The following CLSTN2 variants were observed in gnomAD, a reference collection of about 807,000 sequenced individuals.
CLSTN2 encodes the protein calsyntenin-2.
A neutral mutation model predicts 101.2 loss-of-function variants in CLSTN2; 48 were observed. That is an observed-to-expected ratio of 0.47 (90% confidence interval 0.38 to 0.60). The LOEUF (loss-of-function observed/expected upper bound fraction) is 0.60, where lower values mean the gene tolerates loss of function less well. CLSTN2 is among the 20% of genes least tolerant of loss of function. The pLI is 0.00. For synonymous variants in CLSTN2, 481 were observed against 463.6 expected (o/e 1.04, Z -0.48); for missense variants, 1,160 against 1,238.2 (o/e 0.94, Z 0.95).
chr3:140,480,708 A>C (rs1193901489), intron 8 of CLSTN2, among the ~76,000 whole-genome samples: 1 of 152,148 alleles, frequency 6.6e-6, no homozygotes, highest in Non-Finnish European at 1.5e-5. Context: ...GATGATGAGC[A>C]TTTTTTCATC....
chr3:140,315,402 GC>G (rs2087218898), intron 2 of CLSTN2, among the ~76,000 whole-genome samples: 1 of 152,164 alleles, frequency 6.6e-6, no homozygotes, highest in African/African-American at 2.4e-5. Context: ...TGACTCCAGA[GC>G]AATCAACCAG....
At chr3:140,233,549 A>T (rs775138996) in intron 2 of CLSTN2, among the ~76,000 whole-genome samples, 2 of 152,242 alleles carry the variant, frequency 1.3e-5, no homozygotes, top group Admixed American at 6.5e-5. Flanking sequence ...AGCTGAATAC[A>T]TAAAAATTAA....
intron 2 of CLSTN2, among the ~76,000 whole-genome samples, chr3:140,306,835 C>G (rs989306576): frequency 6.9e-6 from 1 of 144,050 alleles, no homozygotes; most frequent in East Asian, 2.1e-4. Flanking sequence ...GTTCTGGGAT[C>G]CATTTTTGTC....
At chr3:140,260,981 A>G (rs1050059501) in intron 2 of CLSTN2, among the ~76,000 whole-genome samples, 2 of 152,184 alleles carry the variant, frequency 1.3e-5, no homozygotes, top group African/African-American at 2.4e-5. Flanking sequence ...CCTTTTCATC[A>G]TGTTAAGTAA....
At chr3:140,083,157 TAC>T (rs1457054329) in intron 1 of CLSTN2, among the ~76,000 whole-genome samples, 2 of 152,140 alleles carry the variant, frequency 1.3e-5, no homozygotes, top group Non-Finnish European at 2.9e-5. Flanking sequence ...TAGCATTTAT[TAC>T]GTTTTTTGCT....
intron 1 of CLSTN2, among the ~76,000 whole-genome samples, chr3:140,163,185 A>G (rs1432121641): frequency 6.6e-6 from 1 of 152,094 alleles, no homozygotes; most frequent in Non-Finnish European, 1.5e-5. Context: ...AAGATCTACA[A>G]TCAGTTGACT....
At chr3:140,465,801 G>T (rs1933684068) in intron 7 of CLSTN2, among the ~76,000 whole-genome samples, 2 of 152,124 alleles carry the variant, frequency 1.3e-5, no homozygotes, top group Non-Finnish European at 2.9e-5. Flanking sequence ...CAGGGCCCAT[G>T]CTCTTTCCAC....
chr3:140,063,208 G>T (rs1285304630), intron 1 of CLSTN2, among the ~76,000 whole-genome samples: 1 of 152,136 alleles, frequency 6.6e-6, no homozygotes, highest in African/African-American at 2.4e-5. Context: ...CATAATGAAG[G>T]ACATTCTATA....
At position 140,490,508 on chromosome 3, in the gene CLSTN2, C is replaced by A. The variant is rs147234322; in HGVS notation, c.1344+23777C>A. Reference sequence around the variant, plus strand: ...ATCCTTGCTGCTATTTGCCCTGGACCACTTCAAAATGTGACACATCGGGCT... The same window carrying A: ...ATCCTTGCTGCTATTTGCCCTGGACAACTTCAAAATGTGACACATCGGGCT... On this transcript the variant is annotated intron_variant, in intron 8 of 16. Coordinates refer to ENST00000458420, the MANE Select transcript of CLSTN2 (RefSeq NM_022131.3). Among the ~76,000 whole-genome samples, 244 of 150,114 alleles carry A rather than the reference C, an allele frequency of 1.6e-3. 1 individual carries two copies. The East Asian group carries it at 0.032, about 20-fold the overall frequency.
intron 1 of CLSTN2, among the ~76,000 whole-genome samples, chr3:139,949,463 AG>A (rs1935259320): frequency 6.6e-6 from 1 of 152,172 alleles, no homozygotes; most frequent in Non-Finnish European, 1.5e-5. Context: ...TCAACATCCC[AG>A]GAAGGGCCCT....
chr3:140,060,012 C>T (rs1202417729), intron 1 of CLSTN2, among the ~76,000 whole-genome samples: 1 of 152,122 alleles, frequency 6.6e-6, no homozygotes, highest in Non-Finnish European at 1.5e-5. Flanking sequence ...TGATGAATTG[C>T]TTAATCTCTC....
chr3:140,281,101 G>A (rs1317622612), intron 2 of CLSTN2, among the ~76,000 whole-genome samples: 1 of 152,226 alleles, frequency 6.6e-6, no homozygotes, highest in South Asian at 2.1e-4. Flanking sequence ...CTAAATGGGA[G>A]TGTGAGTCCA....
chr3:140,433,450 G>A (rs778613897), intron 5 of CLSTN2, among the ~76,000 whole-genome samples: 11 of 152,202 alleles, frequency 7.2e-5, no homozygotes, highest in Non-Finnish European at 1.5e-4. Context: ...TCTCCCCATG[G>A]ACCTGGGTCT....
At chr3:140,030,984 G>T (rs1416593134) in intron 1 of CLSTN2, among the ~76,000 whole-genome samples, 1 of 152,204 alleles carries the variant, frequency 6.6e-6, no homozygotes, top group Non-Finnish European at 1.5e-5. Flanking sequence ...CCCTTCTGTT[G>T]GGGAGGTGCG....
At chr3:140,259,916 A>G (rs1407582997) in intron 2 of CLSTN2, among the ~76,000 whole-genome samples, 3 of 151,978 alleles carry the variant, frequency 2.0e-5, no homozygotes, top group Admixed American at 2.0e-4. Context: ...CTTTGTTCTA[A>G]TAAAAATATC....
At chr3:140,030,278 T>C (rs1304268556) in intron 1 of CLSTN2, among the ~76,000 whole-genome samples, 1 of 152,126 alleles carries the variant, frequency 6.6e-6, no homozygotes, top group Non-Finnish European at 1.5e-5. Flanking sequence ...CTTATGAACA[T>C]GGATGTGAAG....
At chr3:140,469,401 T>C (rs994109098) in intron 8 of CLSTN2, among the ~76,000 whole-genome samples, 1 of 152,160 alleles carries the variant, frequency 6.6e-6, no homozygotes, top group African/African-American at 2.4e-5. Flanking sequence ...CAGTGGTATA[T>C]ACTGAGCAAC....
In CLSTN2 at chr3:140,532,435, A is replaced by C; in HGVS notation, c.1456A>C (p.Ile486Leu). ...ATACCTGGTGACCAACGACTGGCCC[A>C]TTCATCCATCTCACATAGCCATGCA... is the stretch of plus-strand genomic sequence containing the variant. ...EPYLVTNDWP[I>L]HPSHIAMQLT... The change falls in exon 9 of 17, where the codon ATT becomes CTT. Residue 486 changes from isoleucine to leucine, a missense_variant. Transcript: ENST00000458420. The C allele has an allele frequency of 1.2e-6, 2 of 1,614,024 alleles. No individual in the cohort carries two copies. Among genetic ancestry groups the C allele is most frequent in the Middle Eastern group, 1.6e-4 (1 of 6,062 alleles).
At chr3:139,956,127 T>C (rs775643856) in intron 1 of CLSTN2, among the ~76,000 whole-genome samples, 2 of 152,154 alleles carry the variant, frequency 1.3e-5, no homozygotes, top group Non-Finnish European at 2.9e-5. Flanking sequence ...TTATGGAAAC[T>C]GAGTCTCAGA....
Sources: gnomAD v4.1 joint callset for allele counts (sites outside exome capture counted in the v4.1 genomes callset) on GRCh38, gnomAD v4.1.1 for gene constraint, MANE v1.5 for transcripts, NCBI Gene and HGNC (gene_info 2026-07-23, HGNC 2026-07-21) for gene names.